CSMD1: variants seen among roughly 807,000 people sequenced by gnomAD.
CSMD1 encodes the protein CUB and Sushi multiple domains 1, also known as CUB and sushi domain-containing protein 1.
In CSMD1, 213 loss-of-function variants were observed where a neutral mutation model predicts 417.5. The ratio of observed to expected loss-of-function variants is 0.51; its 90% CI spans 0.46 to 0.57. The LOEUF is 0.57. CSMD1 is among the 20% of genes least tolerant of loss of function. The pLI, the probability that CSMD1 is intolerant of heterozygous loss-of-function variation, is 0.00. For missense variants in CSMD1, 6,923 were observed against 4,529.7 expected, an observed-to-expected ratio of 1.53 and a Z score of -15.17; for synonymous variants, 2,862 against 1,736.8, an observed-to-expected ratio of 1.65 and a Z score of -16.11.
intron 3 of CSMD1, among the ~76,000 whole-genome samples, chr8:4,296,123 C>G (rs1302359373): frequency 2.0e-5 from 3 of 152,028 alleles, no homozygotes; most frequent in African/African-American, 4.8e-5. Flanking sequence ...TTAATCAAAA[C>G]CACAATAAGA....
intron 11 of CSMD1, among the ~76,000 whole-genome samples, chr8:3,472,537 C>T (rs1817166383): frequency 1.3e-5 from 2 of 152,080 alleles, no homozygotes; most frequent in East Asian, 1.9e-4. Context: ...CTCTATCTTC[C>T]TGTATGTGTG....
chr8:4,576,684 T>C (rs1398270757), intron 2 of CSMD1, among the ~76,000 whole-genome samples: 2 of 152,160 alleles, frequency 1.3e-5, no homozygotes, highest in Non-Finnish European at 2.9e-5. Context: ...TAGCCTTCAG[T>C]CATAAGTAGC....
chr8:3,026,330 C>T (rs1051466973), intron 51 of CSMD1, among the ~76,000 whole-genome samples: 1 of 152,222 alleles, frequency 6.6e-6, no homozygotes, highest in Non-Finnish European at 1.5e-5. Context: ...CTGAACCTCA[C>T]TGGACCTCGC....
chr8:3,255,774 T>C (rs1157360274), intron 26 of CSMD1, among the ~76,000 whole-genome samples: 1 of 152,152 alleles, frequency 6.6e-6, no homozygotes, highest in Non-Finnish European at 1.5e-5. Flanking sequence ...GTCAACACTT[T>C]CTTTGACTAG....
chr8:4,310,074 A>G (rs1253359350), intron 3 of CSMD1, among the ~76,000 whole-genome samples: 2 of 152,172 alleles, frequency 1.3e-5, no homozygotes, highest in African/African-American at 4.8e-5. Context: ...CAGGAATGCT[A>G]AGGTCTGCAA....
intron 3 of CSMD1, among the ~76,000 whole-genome samples, chr8:4,035,098 G>C (rs923624720): frequency 1.6e-4 from 25 of 152,146 alleles, no homozygotes; most frequent in African/African-American, 3.1e-4. Context: ...GTAATATATA[G>C]TTGTGAGCTG....
At chr8:4,539,937 C>T (rs1036373024) in intron 2 of CSMD1, among the ~76,000 whole-genome samples, 1 of 152,116 alleles carries the variant, frequency 6.6e-6, no homozygotes, top group African/African-American at 2.4e-5. Context: ...TTCCCATCTA[C>T]CCCAGCCCAA....
intron 3 of CSMD1, among the ~76,000 whole-genome samples, chr8:4,226,261 C>G (rs944068970): frequency 2.6e-5 from 4 of 152,102 alleles, no homozygotes; most frequent in Admixed American, 6.6e-5. Flanking sequence ...GTATTAACAC[C>G]TTCAAAAGTA....
At chr8:4,924,528 G>C (rs575783873) in intron 1 of CSMD1, among the ~76,000 whole-genome samples, 36 of 152,098 alleles carry the variant, frequency 2.4e-4, no homozygotes, top group African/African-American at 8.2e-4. Flanking sequence ...TTCGAGACCA[G>C]CCTGGCCAAC....
intron 3 of CSMD1, among the ~76,000 whole-genome samples, chr8:4,217,539 T>C (rs978624465): frequency 4.6e-5 from 7 of 152,122 alleles, no homozygotes; most frequent in Non-Finnish European, 7.4e-5. Context: ...TGGAAGTGTC[T>C]TCTTGAATAA....
intron 1 of CSMD1, among the ~76,000 whole-genome samples, chr8:4,942,570 G>C (rs1808080087): frequency 6.6e-6 from 1 of 152,006 alleles, no homozygotes; most frequent in Admixed American, 6.6e-5. Context: ...ATATTTAAAA[G>C]TGTGACTTCA....
intron 5 of CSMD1, among the ~76,000 whole-genome samples, chr8:3,781,651 A>T (rs1799190083): frequency 6.6e-6 from 1 of 152,160 alleles, no homozygotes; most frequent in Non-Finnish European, 1.5e-5. Context: ...TGTCCCTGTG[A>T]TGTGAATGGC....
At chr8:3,415,570 G>A (rs745443744) in intron 12 of CSMD1, among the ~76,000 whole-genome samples, 12 of 152,134 alleles carry the variant, frequency 7.9e-5, no homozygotes, top group African/African-American at 2.7e-4. Flanking sequence ...TGTTGGCCAC[G>A]CTGGTCTCCA....
At chr8:3,303,940 T>A (rs554799937) in intron 25 of CSMD1, among the ~76,000 whole-genome samples, 22 of 74,810 alleles carry the variant, frequency 2.9e-4, no homozygotes, top group Non-Finnish European at 5.7e-4. Flanking sequence ...TTTTGGGGTA[T>A]TGCGCCCCAT....
chr8:4,760,144 G>T (rs1198544945), intron 1 of CSMD1, among the ~76,000 whole-genome samples: 1 of 152,102 alleles, frequency 6.6e-6, no homozygotes, highest in East Asian at 1.9e-4. Flanking sequence ...GGCTCACACA[G>T]GATGTCTGCA....
rs140905644 is a variant in CSMD1 at position 4,960,610 on chromosome 8, G to A, written c.85+33722C>T. 4.5e-4 allele frequency among the ~76,000 whole-genome samples: 69 copies of A among 152,230 alleles called. 1 individual carries two copies. In the South Asian group the frequency reaches 7.2e-3, roughly 16 times the overall value. The stretch of plus-strand genomic sequence containing the variant: ...AGAATAATGCCAGTGCATACATACA[G>A]TCATGGGTGCATGCATCCATACATC... On this transcript the variant is annotated intron_variant, in intron 1 of 69. Transcript: ENST00000635120.
chr8:3,068,557 AGTTGGC>A (rs1356816997), intron 49 of CSMD1, among the ~76,000 whole-genome samples: 339 of 152,346 alleles, frequency 2.2e-3, no homozygotes, highest in African/African-American at 7.0e-3. Flanking sequence ...AAAGACATTT[AGTTGGC>A]TCATGTTTCT....
intron 5 of CSMD1, among the ~76,000 whole-genome samples, chr8:3,928,975 A>G (rs1007073052): frequency 4.0e-5 from 6 of 150,614 alleles, no homozygotes; most frequent in Non-Finnish European, 8.9e-5. Context: ...TGCTAAAACA[A>G]TTGGTTGTCA....
chr8:3,227,793 A>T (rs1585717216), intron 27 of CSMD1, among the ~76,000 whole-genome samples: 1 of 150,540 alleles, frequency 6.6e-6, no homozygotes, highest in South Asian at 2.1e-4. Flanking sequence ...TTTGAGACAG[A>T]GTCTCACTCT....
Sources: allele counts gnomAD v4.1 joint callset (sites outside exome capture counted in the v4.1 genomes callset), GRCh38; gene constraint gnomAD v4.1.1; transcripts MANE v1.5; gene names NCBI Gene and HGNC (gene_info 2026-07-23, HGNC 2026-07-21).